The following FAM135B variants were observed in gnomAD, a reference collection of about 807,000 sequenced individuals.
The protein encoded by FAM135B is family with sequence similarity 135 member B.
In FAM135B, 43 loss-of-function variants were observed where a neutral mutation model predicts 127.7. The ratio of observed to expected loss-of-function variants is 0.34; its 90% CI spans 0.26 to 0.43. FAM135B has a LOEUF of 0.43. Ranked by LOEUF, FAM135B falls within the 20% of genes least tolerant of loss-of-function variation. The pLI, the probability that FAM135B is intolerant of heterozygous loss-of-function variation, is 1.00. For synonymous variants in FAM135B, 670 were observed against 665.1 expected, an observed-to-expected ratio of 1.01 and a Z score of -0.11; for missense variants, 1,558 against 1,725.6, an observed-to-expected ratio of 0.90 and a Z score of 1.72.
At chr8:138,172,134 A>C in intron 11 of FAM135B, among the ~76,000 whole-genome samples, 1 of 152,200 alleles carries the variant, frequency 6.6e-6, no homozygotes, top group East Asian at 1.9e-4. Flanking sequence ...GGGAAAAACA[A>C]CTTTCTCTCT....
chr8:138,133,475 C>T (rs772786105), intron 19 of FAM135B, among the ~76,000 whole-genome samples: 3 of 152,150 alleles, frequency 2.0e-5, no homozygotes, highest in African/African-American at 4.8e-5. Context: ...GCCCTGTGTT[C>T]TTCTTTTCTG....
intron 7 of FAM135B, among the ~76,000 whole-genome samples, chr8:138,218,701 A>T (rs1214832287): frequency 6.6e-6 from 1 of 151,850 alleles, no homozygotes; most frequent in Non-Finnish European, 1.5e-5. Flanking sequence ...AAGGTTTGCT[A>T]CAGGCCACTC....
chr8:138,177,249 T>C, intron 11 of FAM135B, 98 bp downstream of exon 11: 1 of 1,150,934 alleles, frequency 8.7e-7, no homozygotes, highest in Admixed American at 2.0e-5. Flanking sequence ...GGCAGACTTC[T>C]CTCCTTCACT....
rs544496292 is a variant in FAM135B, at chr8:138,304,396, A to C, written c.157+6445T>G. Among the ~76,000 whole-genome samples, 212 of 152,298 alleles carry C rather than the reference A, an allele frequency of 1.4e-3. 4 individuals carry two copies. The South Asian group carries it at 0.042, about 30-fold the overall frequency. On this transcript the variant is annotated intron_variant, in intron 3 of 19. Coordinates refer to ENST00000395297, the MANE Select transcript of FAM135B (RefSeq NM_015912.4). ...GAAACACATTAAAATAGTGTAGAAGAAGCACAGAAATGCAGGTGGGGTGTG... is the reference window on the plus strand; with the variant it reads ...GAAACACATTAAAATAGTGTAGAAGCAGCACAGAAATGCAGGTGGGGTGTG...
Position 138,243,531 on chromosome 8 carries a change from G to A in FAM135B, c.543-463C>T, listed in dbSNP as rs558938120. On this transcript the variant is annotated intron_variant, in intron 6 of 19. Transcript: ENST00000395297. This position sits in a 1 kb window ranked among gnomAD's most constrained non-coding sequence, Gnocchi z 7.5. ...AAACATCTTCCTCCATGATCCGCAT[G>A]AGAGTCTAATACGATGTCAAAGACT... Among the ~76,000 whole-genome samples the A allele has an allele frequency of 3.9e-5, 6 of 152,320 alleles. No individual in the cohort carries two copies. In the East Asian group the frequency reaches 7.7e-4, roughly 20 times the overall value.
intron 16 of FAM135B, among the ~76,000 whole-genome samples, chr8:138,142,067 A>G (rs1301375304): frequency 2.6e-5 from 4 of 152,084 alleles, no homozygotes; most frequent in Admixed American, 1.3e-4. Context: ...TCTAACCTCT[A>G]TAGGCTTCAT....
At chr8:138,286,583 G>A (rs1824706212) in intron 3 of FAM135B, among the ~76,000 whole-genome samples, 1 of 152,190 alleles carries the variant, frequency 6.6e-6, no homozygotes, top group African/African-American at 2.4e-5. Flanking sequence ...GGCAACAAGA[G>A]GAAGGCTAAT....
At chr8:138,294,573 G>A (rs546523920) in intron 3 of FAM135B, among the ~76,000 whole-genome samples, 5 of 151,984 alleles carry the variant, frequency 3.3e-5, no homozygotes, top group Non-Finnish European at 5.9e-5. Flanking sequence ...TAAAGAAATC[G>A]CACCACATGC....
intron 7 of FAM135B, among the ~76,000 whole-genome samples, chr8:138,199,943 C>A (rs185538355): frequency 1.2e-4 from 19 of 152,288 alleles, no homozygotes; most frequent in Admixed American, 1.2e-3. Context: ...CAGAGCCAAA[C>A]CCTATCACCC....
At chr8:138,363,797 A>C (rs1451856333) in intron 2 of FAM135B, among the ~76,000 whole-genome samples, 1 of 152,048 alleles carries the variant, frequency 6.6e-6, no homozygotes, top group Non-Finnish European at 1.5e-5. Flanking sequence ...ACTGGAGGGG[A>C]GGTTTCTTTC....
chr8:138,478,159 CT>C (rs756502475), intron 1 of FAM135B, among the ~76,000 whole-genome samples: 38 of 152,084 alleles, frequency 2.5e-4, no homozygotes, highest in Non-Finnish European at 4.4e-4. Flanking sequence ...ACCCATCCCC[CT>C]GACACTCCCT....
chr8:138,477,103 C>T (rs759254101), intron 1 of FAM135B, among the ~76,000 whole-genome samples: 8 of 152,180 alleles, frequency 5.3e-5, no homozygotes, highest in Non-Finnish European at 1.0e-4. Context: ...GAGCTATTTG[C>T]CATGTAGCTG....
At chr8:138,218,683 T>A (rs1274601146) in intron 7 of FAM135B, among the ~76,000 whole-genome samples, 1 of 151,940 alleles carries the variant, frequency 6.6e-6, no homozygotes, top group Non-Finnish European at 1.5e-5. Flanking sequence ...GTGGATTTCT[T>A]GCCTTCTAAG....
chr8:138,262,944 T>C (rs1268030384), intron 4 of FAM135B, among the ~76,000 whole-genome samples: 3 of 148,394 alleles, frequency 2.0e-5, no homozygotes, highest in Non-Finnish European at 4.5e-5. Context: ...GGCTGAGTTC[T>C]CAAGGTTAGT....
chr8:138,250,687 C>T (rs758666924), intron 6 of FAM135B, among the ~76,000 whole-genome samples, 154 bp downstream of exon 6: 18 of 152,222 alleles, frequency 1.2e-4, no homozygotes, highest in Non-Finnish European at 2.5e-4. Flanking sequence ...CTTCCTCTCT[C>T]GCATGCTCCT....
chr8:138,458,613 C>T (rs150611193), intron 1 of FAM135B, among the ~76,000 whole-genome samples: 6 of 152,284 alleles, frequency 3.9e-5, no homozygotes, highest in South Asian at 2.1e-4. Context: ...CTCTGGCCCA[C>T]GGTCTATTTG....
At chr8:138,490,163 G>A (rs1815142254) in intron 1 of FAM135B, among the ~76,000 whole-genome samples, 1 of 152,202 alleles carries the variant, frequency 6.6e-6, no homozygotes, top group African/African-American at 2.4e-5. Context: ...GAAGTCCAGG[G>A]AGGTTAAGTT....
chr8:138,477,182 G>A (rs577857746), intron 1 of FAM135B: 14 of 152,264 alleles, frequency 9.2e-5, no homozygotes, highest in Non-Finnish European at 1.8e-4. Flanking sequence ...TGTCACCAAT[G>A]GTTGTCCTAT....
chr8:138,431,720 T>G (rs1223174943), intron 1 of FAM135B, among the ~76,000 whole-genome samples: 1 of 152,240 alleles, frequency 6.6e-6, no homozygotes, highest in Non-Finnish European at 1.5e-5. Flanking sequence ...TATCATGTCC[T>G]GAATCACTGC....
Sources: gnomAD v4.1 joint callset for allele counts (sites outside exome capture counted in the v4.1 genomes callset) on GRCh38, gnomAD v4.1.1 for gene constraint, Gnocchi (gnomAD v3.1) non-coding constraint, MANE v1.5 for transcripts, NCBI Gene and HGNC (gene_info 2026-07-23, HGNC 2026-07-21) for gene names.